PUM1: variants seen among roughly 807,000 people sequenced by gnomAD.
PUM1 encodes pumilio RNA binding family member 1.
PUM1 carries 13 observed loss-of-function variants against 131.8 expected under a neutral mutation model. The ratio of observed to expected loss-of-function variants is 0.10; its 90% confidence interval spans 0.06 to 0.16. The LOEUF (loss-of-function observed/expected upper bound fraction) is 0.16. Ranked by LOEUF, PUM1 falls within the 10% of genes least tolerant of loss-of-function variation. PUM1 has a pLI of 1.00. For synonymous variants in PUM1, 509 were observed against 556.5 expected (o/e 0.91, Z 1.20); for missense variants, 961 against 1,512.4 (o/e 0.64, Z 6.05).
intron 8 of PUM1, 28 bp downstream of exon 8, chr1:30,981,284 T>C (rs1450403098): frequency 2.2e-5 from 31 of 1,439,788 alleles, no homozygotes; most frequent in Non-Finnish European, 3.0e-5. Context: ...ACACCTATCA[T>C]GAAAGAGCTA....
chr1:31,015,134 T>C (rs1642764647), intron 3 of PUM1, among the ~76,000 whole-genome samples: 1 of 152,182 alleles, frequency 6.6e-6, no homozygotes, highest in East Asian at 1.9e-4. Context: ...CCCTTTTGGA[T>C]CAAGACTGGA....
chr1:31,052,762 G>A (rs143624937), intron 2 of PUM1, among the ~76,000 whole-genome samples: 15,070 of 150,518 alleles, frequency 0.1, 983 homozygotes, highest in Non-Finnish European at 0.15. Context: ...GCAGTTGTGC[G>A]ATCTCAGCTC....
intron 5 of PUM1, among the ~76,000 whole-genome samples, chr1:31,000,115 A>G (rs1353127229): frequency 6.6e-6 from 1 of 152,232 alleles, no homozygotes. Flanking sequence ...CTCCTCAAAT[A>G]GCTCGGGTAA....
chr1:31,002,384 A>G (rs1459250808), intron 5 of PUM1, among the ~76,000 whole-genome samples: 3 of 152,170 alleles, frequency 2.0e-5, no homozygotes, highest in African/African-American at 7.2e-5. Context: ...TTCTTCTGTG[A>G]GGTTAAGGTG....
intron 8 of PUM1, among the ~76,000 whole-genome samples, chr1:30,980,906 T>G (rs1050271826): frequency 6.6e-6 from 1 of 152,344 alleles, no homozygotes; most frequent in African/African-American, 2.4e-5. Context: ...TTAAATTTTT[T>G]CAATGCATAC....
intron 14 of PUM1, among the ~76,000 whole-genome samples, chr1:30,959,344 T>C (rs927086333): frequency 1.3e-5 from 2 of 152,130 alleles, no homozygotes; most frequent in Non-Finnish European, 2.9e-5. Flanking sequence ...CATCCTTCAT[T>C]AATACAGATT....
At chr1:30,952,547 A>G (rs912183905) in intron 15 of PUM1, among the ~76,000 whole-genome samples, 184 bp from the exon 16 acceptor site, 2 of 152,074 alleles carry the variant, frequency 1.3e-5, no homozygotes, top group Non-Finnish European at 2.9e-5. Context: ...AAGAGTTTTT[A>G]AATAGAGGAA....
At chr1:31,021,327 A>C (rs541580974) in intron 3 of PUM1, among the ~76,000 whole-genome samples, 44 of 152,340 alleles carry the variant, frequency 2.9e-4, no homozygotes, top group Non-Finnish European at 5.0e-4. Context: ...CAGAAAAGTC[A>C]TGTGAACAGA....
At chr1:30,939,286 T>C (rs1379194874) in intron 20 of PUM1, among the ~76,000 whole-genome samples, 8 of 152,208 alleles carry the variant, frequency 5.3e-5, no homozygotes, top group African/African-American at 1.7e-4. Flanking sequence ...TACAAACTTC[T>C]CCCATACAGT....
intron 16 of PUM1, among the ~76,000 whole-genome samples, chr1:30,952,022 T>C (rs572230296): frequency 1.2e-4 from 19 of 152,318 alleles, no homozygotes; most frequent in Admixed American, 2.0e-4. Context: ...ATTTCCAAAA[T>C]AGATTGGCAT....
At chr1:30,944,007 T>G (rs1388527770) in intron 18 of PUM1, among the ~76,000 whole-genome samples, 1 of 152,228 alleles carries the variant, frequency 6.6e-6, no homozygotes, top group Non-Finnish European at 1.5e-5. Flanking sequence ...TATCAATCCT[T>G]TGACCGTCGC....
chr1:30,971,683 T>G (rs1640876169), intron 10 of PUM1, among the ~76,000 whole-genome samples: 1 of 152,166 alleles, frequency 6.6e-6, no homozygotes, highest in Non-Finnish European at 1.5e-5. Context: ...TTGTATTTCC[T>G]CAATCGATTT....
intron 2 of PUM1, among the ~76,000 whole-genome samples, chr1:31,049,471 G>A (rs529236881): frequency 5.3e-5 from 8 of 150,910 alleles, no homozygotes; most frequent in South Asian, 4.2e-4. Context: ...AGCCAAGATC[G>A]CGCCATTGCA....
rs984726046 is a variant in PUM1, at chr1:30,987,194, A to G, written c.1158+5196T>C. Among the ~76,000 whole-genome samples the G allele has an allele frequency of 2.7e-5, 4 of 145,732 alleles. No individual in the cohort carries two copies. The East Asian group carries it at 6.8e-4, about 25-fold the overall frequency. Reference sequence around the variant, plus strand: ...TGTAACATAATACAACCTAGTAACAAATTTTTTTTTTTTTTTTTTTAAGAC... The same window carrying G: ...TGTAACATAATACAACCTAGTAACAGATTTTTTTTTTTTTTTTTTTAAGAC... On this transcript the variant is annotated intron_variant, in intron 7 of 21. Coordinates refer to ENST00000426105, the MANE Select transcript of PUM1 (RefSeq NM_001020658.2).
At chr1:31,030,744 G>C (rs1643399854) in intron 2 of PUM1, among the ~76,000 whole-genome samples, 1 of 151,878 alleles carries the variant, frequency 6.6e-6, no homozygotes, top group East Asian at 1.9e-4. Flanking sequence ...ATGCTGCCTA[G>C]CTGCCTATAC....
At chr1:30,978,396 AGCAGAGATCATTCTCCTAC>A (rs1316217151) in intron 9 of PUM1, among the ~76,000 whole-genome samples, 3 of 152,274 alleles carry the variant, frequency 2.0e-5, no homozygotes, top group Non-Finnish European at 4.4e-5. Context: ...AATGATGGTT[AGCAGAGATCATTCTCCTAC>A]GAAGAGCTTT....
chr1:30,946,113 G>C (rs975662065), intron 17 of PUM1, among the ~76,000 whole-genome samples: 1 of 151,464 alleles, frequency 6.6e-6, no homozygotes, highest in East Asian at 1.9e-4. Context: ...AAAAATAAAG[G>C]GTAGACATCT....
At chr1:30,935,213 C>A (rs1359501316) in intron 21 of PUM1, among the ~76,000 whole-genome samples, 1 of 152,210 alleles carries the variant, frequency 6.6e-6, no homozygotes, top group African/African-American at 2.4e-5. Flanking sequence ...TCCTCCTCCA[C>A]TGAACTTGTT....
intron 10 of PUM1, among the ~76,000 whole-genome samples, chr1:30,970,077 A>G (rs766057312): frequency 5.3e-5 from 8 of 152,226 alleles, no homozygotes; most frequent in Non-Finnish European, 8.8e-5. Context: ...GCAAGCAAAA[A>G]TGCAAAACCC....
Sources: allele counts gnomAD v4.1 joint callset (sites outside exome capture counted in the v4.1 genomes callset), GRCh38; gene constraint gnomAD v4.1.1; transcripts MANE v1.5; gene names NCBI Gene and HGNC (gene_info 2026-07-23, HGNC 2026-07-21).